The following EPS15L1 variants were observed in gnomAD, a reference collection of about 807,000 sequenced individuals.
EPS15L1 encodes epidermal growth factor receptor substrate 15-like 1.
Under a neutral mutation model 117.1 loss-of-function variants are expected in EPS15L1, and 43 were observed. That is an observed-to-expected ratio of 0.37 (90% CI 0.29 to 0.47). The LOEUF is 0.47. Ranked by LOEUF, EPS15L1 falls within the 20% of genes least tolerant of loss-of-function variation. EPS15L1 has a pLI of 0.99. For missense variants in EPS15L1, 981 were observed against 1,164.0 expected (o/e 0.84, Z 2.29); for synonymous variants, 459 against 470.5 (o/e 0.98, Z 0.32).
chr19:16,364,355 T>C (rs2092103198), intron 22 of EPS15L1, among the ~76,000 whole-genome samples: 1 of 152,092 alleles, frequency 6.6e-6, no homozygotes, highest in Admixed American at 6.5e-5. Context: ...CCCCTCTCCT[T>C]CCGACAGCGC....
intron 22 of EPS15L1, among the ~76,000 whole-genome samples, chr19:16,376,054 C>A (rs2362468): frequency 1 from 152,281 of 152,286 alleles, 76,138 homozygotes; most frequent in Non-Finnish European, 1. Context: ...GGGAGGGGCA[C>A]GTGTAGGCAG....
rs2092228242 is a variant in EPS15L1 at position 16,371,759 on chromosome 19, A to G, written c.2380+5363T>C. Among the ~76,000 whole-genome samples, 1 of 145,084 alleles carries G rather than the reference A, an allele frequency of 6.9e-6. No homozygotes were observed. The highest frequency in any genetic ancestry group is 2.6e-5 in the African/African-American group (1 of 38,762). The stretch of plus-strand genomic sequence containing the variant: ...TGACACCCACACAGCCGTTTCCTGC[A>G]CTTAAAAAAAAAATCTGTTTCTCTC... On this transcript the variant is annotated intron_variant, in intron 22 of 23. Coordinates refer to ENST00000455140, the MANE Select transcript of EPS15L1 (RefSeq NM_001258374.3). The surrounding 1 kb of genome is among the most constrained non-coding windows in gnomAD (Gnocchi z 4.7).
At chr19:16,368,106 C>CA (rs1188066416) in intron 22 of EPS15L1, among the ~76,000 whole-genome samples, 1 of 151,872 alleles carries the variant, frequency 6.6e-6, no homozygotes, top group African/African-American at 2.4e-5. Flanking sequence ...AAAAAGAAAA[C>CA]AAAAAAATAC....
At chr19:16,373,022 C>A (rs1333493159) in intron 22 of EPS15L1, among the ~76,000 whole-genome samples, 7 of 152,244 alleles carry the variant, frequency 4.6e-5, no homozygotes, top group Admixed American at 4.6e-4. Context: ...GATGGACAAA[C>A]CCTGGATGGG....
At chr19:16,449,382 T>C (rs530811691) in intron 1 of EPS15L1, among the ~76,000 whole-genome samples, 36 of 152,202 alleles carry the variant, frequency 2.4e-4, no homozygotes, top group Non-Finnish European at 4.6e-4. Flanking sequence ...TGAAAATATG[T>C]TTAACATCAT....
At chr19:16,363,337 T>C (rs1351935062) in intron 22 of EPS15L1, among the ~76,000 whole-genome samples, 1 of 152,176 alleles carries the variant, frequency 6.6e-6, no homozygotes, top group African/African-American at 2.4e-5. Flanking sequence ...AGGGTTGACC[T>C]TGGATCTCTG....
chr19:16,372,235 C>T (rs1021754982), intron 22 of EPS15L1, among the ~76,000 whole-genome samples: 18 of 152,228 alleles, frequency 1.2e-4, no homozygotes, highest in African/African-American at 4.3e-4. Context: ...CTCGAGGAAC[C>T]TCTGCAGGTT....
At chr19:16,374,460 AG>A (rs2092266688) in intron 22 of EPS15L1, among the ~76,000 whole-genome samples, 1 of 152,072 alleles carries the variant, frequency 6.6e-6, no homozygotes, top group South Asian at 2.1e-4. Context: ...GCCAGGCCCA[AG>A]GAAGTCACCC....
At position 16,459,976 on chromosome 19, in the gene EPS15L1, G is replaced by C. The variant is rs577914258; in HGVS notation, c.33+11937C>G. Among the ~76,000 whole-genome samples the C allele has an allele frequency of 2.0e-5, 3 of 152,274 alleles. No individual in the cohort carries two copies. In the South Asian group the frequency reaches 6.2e-4, roughly 32 times the overall value. ...ACAGCTAAGCAGCTCCCAACATCTA[G>C]GATAGAACAATATTTCAGTTTGGGA... On this transcript the variant is annotated intron_variant, in intron 1 of 23. Coordinates refer to ENST00000455140, the MANE Select transcript of EPS15L1 (RefSeq NM_001258374.3).
At position 16,413,784 on chromosome 19, in the gene EPS15L1, T is replaced by C. The variant is rs1488002793; in HGVS notation, c.1255A>G (p.Ser419Gly). 2.5e-6 allele frequency: 4 copies of C among 1,613,898 alleles called. No individual in the cohort carries two copies. The East Asian group carries it at 6.7e-5, about 27-fold the overall frequency. The change falls in exon 13 of 24, where the codon AGC (serine) becomes GGC (glycine). Residue 419 changes from serine (S) to glycine (G), a missense_variant. Ser to Gly is a moderately conservative substitution (Grantham distance 56, BLOSUM62 0). Coordinates refer to ENST00000455140, the MANE Select transcript of EPS15L1 (RefSeq NM_001258374.3). ...EKEEAIRQKT[S>G]EVQELQNDLD... is the part of the protein sequence containing the mutation. The stretch of plus-strand genomic sequence containing the variant: ...AACGAGACCCTTACCTGCACCTCGC[T>C]GGTTTTCTGTCTGATTGCCTCTTCC...
intron 22 of EPS15L1, among the ~76,000 whole-genome samples, chr19:16,362,190 A>G (rs1326185596): frequency 6.6e-6 from 1 of 152,212 alleles, no homozygotes; most frequent in Non-Finnish European, 1.5e-5. Flanking sequence ...TGAACAACAC[A>G]GGAAAAACAC....
At position 16,404,702 on chromosome 19, in the gene EPS15L1, G is replaced by A. The variant is rs529286002; in HGVS notation, c.1314C>T (p.Leu438=). The change falls in exon 14 of 24, where the codon CTC becomes CTT. Residue 438 remains leucine (L), a synonymous_variant. Transcript: ENST00000455140. This position sits in a 1 kb window ranked among gnomAD's most constrained non-coding sequence, Gnocchi z 4.2. Reference sequence around the variant, plus strand: ...CTTGAGCATCCTGTTTCTGAGCCTCGAGCTCCTGCAAACTGCTTGTTTCCC... The same window carrying A: ...CTTGAGCATCCTGTTTCTGAGCCTCAAGCTCCTGCAAACTGCTTGTTTCCC... ...LDRETSSLQE[L]EAQKQDAQDR... 3.6e-5 allele frequency: 58 copies of A among 1,614,128 alleles called. No homozygotes were observed. The African/African-American group carries it at 3.9e-4, about 11-fold the overall frequency.
chr19:16,374,323 C>T (rs1279530364), intron 22 of EPS15L1, among the ~76,000 whole-genome samples: 1 of 152,162 alleles, frequency 6.6e-6, no homozygotes, highest in Non-Finnish European at 1.5e-5. Flanking sequence ...TGCAGAGCAC[C>T]GAGTGGCACA....
chr19:16,406,453 G>A (rs1003651476), intron 13 of EPS15L1, among the ~76,000 whole-genome samples: 1 of 152,212 alleles, frequency 6.6e-6, no homozygotes, highest in Admixed American at 6.5e-5. Context: ...GGTGTCCAGT[G>A]GGGGGCACAG....
Position 16,405,751 on chromosome 19 carries a change from C to A in EPS15L1, c.1267-1002G>T, listed in dbSNP as rs1165604446. 1.3e-5 allele frequency among the ~76,000 whole-genome samples: 2 copies of A among 152,220 alleles called. No individual in the cohort carries two copies. Among genetic ancestry groups the A allele is most frequent in the Non-Finnish European group, 2.9e-5 (2 of 68,028 alleles). ...ATGCATCAACCTTTCTGGAAGGCCCCCTCCAGGAGCTCATGAACAGCACCT... is the reference window on the plus strand; with the variant it reads ...ATGCATCAACCTTTCTGGAAGGCCCACTCCAGGAGCTCATGAACAGCACCT... On this transcript the variant is annotated intron_variant, in intron 13 of 23. Transcript: ENST00000455140. The surrounding 1 kb of genome is among the most constrained non-coding windows in gnomAD (Gnocchi z 4.0).
chr19:16,397,339 C>A (rs1456711451), intron 16 of EPS15L1, among the ~76,000 whole-genome samples: 1 of 152,184 alleles, frequency 6.6e-6, no homozygotes, highest in Non-Finnish European at 1.5e-5. Context: ...ATCCACCCCC[C>A]TCGGCCTCCC....
chr19:16,417,881 G>A, intron 11 of EPS15L1, 67 bp downstream of exon 11: 1 of 1,555,558 alleles, frequency 6.4e-7, no homozygotes, highest in Non-Finnish European at 8.7e-7. Flanking sequence ...TGTGCCACCA[G>A]TGCCACCTGG....
intron 8 of EPS15L1, among the ~76,000 whole-genome samples, chr19:16,426,803 T>A (rs1241893394): frequency 6.6e-6 from 1 of 152,194 alleles, no homozygotes. Context: ...TTGGGACAAC[T>A]GATAAAATCT....
intron 5 of EPS15L1, 50 bp downstream of exon 5, chr19:16,437,720 C>T (rs2092991813): frequency 5.3e-6 from 7 of 1,328,448 alleles, no homozygotes; most frequent in Non-Finnish European, 7.6e-6. Flanking sequence ...TACACACACA[C>T]ACACATCTGG....
Sources: allele counts gnomAD v4.1 joint callset (sites outside exome capture counted in the v4.1 genomes callset), GRCh38; gene constraint gnomAD v4.1.1; non-coding constraint Gnocchi (gnomAD v3.1); transcripts MANE v1.5; gene names NCBI Gene and HGNC (gene_info 2026-07-23, HGNC 2026-07-21).